Variants in MEOX2 observed in about 807,000 individuals in gnomAD.
MEOX2 encodes the protein homeobox protein MOX-2.
Under a neutral mutation model 27.0 loss-of-function variants are expected in MEOX2, and 11 were observed. That is an observed-to-expected ratio of 0.41 (90% confidence interval 0.26 to 0.68). MEOX2 has a LOEUF of 0.68. Among genes scored for constraint, MEOX2 ranks in the 30% least tolerant of loss-of-function variants. MEOX2 has a pLI of 0.33. For missense variants in MEOX2, 436 were observed against 385.4 expected, an observed-to-expected ratio of 1.13 and a Z score of -1.10; for synonymous variants, 189 against 155.4, an observed-to-expected ratio of 1.22 and a Z score of -1.61.
chr7:15,621,904 G>A (rs1292426050), intron 2 of MEOX2, among the ~76,000 whole-genome samples: 1 of 152,198 alleles, frequency 6.6e-6, no homozygotes, highest in Non-Finnish European at 1.5e-5. Flanking sequence ...GGATCACGAG[G>A]TCAGGAGTTC....
At chr7:15,664,869 C>T (rs1163750818) in intron 1 of MEOX2, among the ~76,000 whole-genome samples, 1 of 152,164 alleles carries the variant, frequency 6.6e-6, no homozygotes, top group Admixed American at 6.5e-5. Flanking sequence ...CCCCACCACT[C>T]CTTCTGTTGC....
At chr7:15,614,245 A>G (rs376826047) in intron 2 of MEOX2, among the ~76,000 whole-genome samples, 4 of 48,822 alleles carry the variant, frequency 8.2e-5, no homozygotes, top group East Asian at 1.9e-3. Context: ...AAAATAAAAT[A>G]AAATAAAATA....
chr7:15,638,884 G>A (rs1781522258), intron 1 of MEOX2, among the ~76,000 whole-genome samples: 1 of 152,028 alleles, frequency 6.6e-6, no homozygotes, highest in Admixed American at 6.6e-5. Context: ...ATCAACTGTT[G>A]ATGGACATTT....
rs75663050 is a variant in MEOX2 at position 15,660,045 on chromosome 7, G to A, written c.517+25841C>T. Reference sequence around the variant, plus strand: ...GTGCAATGATCTATAATATCATTGAGAGGAAAAGTGAACACCTTTCCTTCT... The same window carrying A: ...GTGCAATGATCTATAATATCATTGAAAGGAAAAGTGAACACCTTTCCTTCT... On this transcript the variant is annotated intron_variant, in intron 1 of 2. Coordinates refer to ENST00000262041, the MANE Select transcript of MEOX2 (RefSeq NM_005924.5). 5.2e-3 allele frequency among the ~76,000 whole-genome samples: 788 copies of A among 152,236 alleles called. 10 individuals are homozygous for A. Among genetic ancestry groups the A allele is most frequent in the African/African-American group, 0.018 (746 of 41,538 alleles).
intron 2 of MEOX2, among the ~76,000 whole-genome samples, chr7:15,621,407 C>T (rs1364842602): frequency 6.6e-6 from 1 of 151,894 alleles, no homozygotes; most frequent in Admixed American, 6.5e-5. Flanking sequence ...CTCTTTTTTT[C>T]CTTCTTTGGC....
chr7:15,675,012 T>C (rs1335142385), intron 1 of MEOX2, among the ~76,000 whole-genome samples: 1 of 152,164 alleles, frequency 6.6e-6, no homozygotes, highest in Non-Finnish European at 1.5e-5. Context: ...TAATGTTTTT[T>C]ATTATTTTAT....
intron 1 of MEOX2, among the ~76,000 whole-genome samples, chr7:15,653,256 T>C (rs1781767900): frequency 1.3e-5 from 2 of 152,014 alleles, no homozygotes. Context: ...ACACTTGTCA[T>C]GTATTTATTT....
At chr7:15,625,964 C>A (rs1349578178) in intron 2 of MEOX2, among the ~76,000 whole-genome samples, 4 of 152,146 alleles carry the variant, frequency 2.6e-5, no homozygotes, top group African/African-American at 9.7e-5. Context: ...TTTTGAATTA[C>A]TGACACCGAT....
chr7:15,630,033 A>G (rs115532698), intron 1 of MEOX2, among the ~76,000 whole-genome samples: 1,692 of 152,088 alleles, frequency 0.011, 39 homozygotes, highest in African/African-American at 0.038. Flanking sequence ...TTTCTTCTCT[A>G]CAACCACAAA....
At chr7:15,675,743 C>G (rs911727670) in intron 1 of MEOX2, among the ~76,000 whole-genome samples, 2 of 152,148 alleles carry the variant, frequency 1.3e-5, no homozygotes, top group African/African-American at 4.8e-5. Flanking sequence ...CAAATCAAGC[C>G]TCCTCTAAAA....
chr7:15,644,068 G>A (rs753696687), intron 1 of MEOX2, among the ~76,000 whole-genome samples: 7 of 152,178 alleles, frequency 4.6e-5, no homozygotes, highest in Non-Finnish European at 1.0e-4. Context: ...CAATGGCTGT[G>A]GACCTGTCTT....
chr7:15,633,114 G>C (rs1781427132), intron 1 of MEOX2, among the ~76,000 whole-genome samples: 1 of 151,980 alleles, frequency 6.6e-6, no homozygotes. Flanking sequence ...TCACTGTACG[G>C]ATGCTTTCTC....
intron 2 of MEOX2, among the ~76,000 whole-genome samples, chr7:15,622,679 A>G (rs1363518901): frequency 6.6e-6 from 1 of 152,192 alleles, no homozygotes; most frequent in Non-Finnish European, 1.5e-5. Context: ...GTCAAGATAT[A>G]GATTACATGG....
At chr7:15,677,806 G>C (rs1031212452) in intron 1 of MEOX2, among the ~76,000 whole-genome samples, 4 of 152,118 alleles carry the variant, frequency 2.6e-5, no homozygotes, top group African/African-American at 9.7e-5. Flanking sequence ...CTTTGAGTGT[G>C]ACATCTATTT....
In MEOX2 at chr7:15,626,877, G is replaced by A. The variant is rs755468003; in HGVS notation, c.559C>T (p.Pro187Ser). Residue 187 changes from proline to serine, a missense_variant, in exon 2 of 3, where the codon CCC becomes TCC. Coordinates refer to ENST00000262041, the MANE Select transcript of MEOX2 (RefSeq NM_005924.5). ...GNYKSEVNSK[P>S]RKERTAFTKE... ...GTAAATGCTGTCCTTTCTTTCCTGG[G>A]TTTGCTGTTGACTTCTGACTTGTAA... 1 of 1,611,594 alleles carries A rather than the reference G, an allele frequency of 6.2e-7. No homozygotes were observed. Among genetic ancestry groups the A allele is most frequent in the South Asian group, 1.1e-5 (1 of 90,920 alleles).
chr7:15,642,167 T>C (rs1319651431), intron 1 of MEOX2, among the ~76,000 whole-genome samples: 1 of 152,176 alleles, frequency 6.6e-6, no homozygotes, highest in Admixed American at 6.5e-5. Context: ...TCTAGCAATA[T>C]TAGGGAAATT....
intron 1 of MEOX2, chr7:15,681,927 A>G (rs1019059819): frequency 6.6e-6 from 1 of 151,794 alleles, no homozygotes; most frequent in Admixed American, 6.6e-5. Context: ...TTTTATTTGC[A>G]TTCTTCCTTC....
At chr7:15,616,825 C>A (rs7793128) in intron 2 of MEOX2, among the ~76,000 whole-genome samples, 102,125 of 151,654 alleles carry the variant, frequency 0.67, 34,612 homozygotes, top group East Asian at 0.81. Flanking sequence ...TGTCCAGTAA[C>A]CTGTACTGTG....
chr7:15,680,512 C>A (rs1782276046), intron 1 of MEOX2: 1 of 151,856 alleles, frequency 6.6e-6, no homozygotes, highest in African/African-American at 2.4e-5. Context: ...TTTTGAATCT[C>A]ACTGATGACT....
Sources: gnomAD v4.1 joint callset for allele counts (sites outside exome capture counted in the v4.1 genomes callset) on GRCh38, gnomAD v4.1.1 for gene constraint, MANE v1.5 for transcripts, NCBI Gene and HGNC (gene_info 2026-07-23, HGNC 2026-07-21) for gene names.